PPARGC1A: variants seen among roughly 807,000 people sequenced by gnomAD.
PPARGC1A encodes peroxisome proliferator-activated receptor gamma coactivator 1-alpha.
PPARGC1A carries 25 observed loss-of-function variants against 88.7 expected under a neutral mutation model. The ratio of observed to expected loss-of-function variants is 0.28; its 90% CI spans 0.21 to 0.39. The LOEUF (loss-of-function observed/expected upper bound fraction) is 0.39, where lower values mean the gene tolerates loss of function less well. PPARGC1A is among the 10% of genes least tolerant of loss of function. The pLI, the probability that PPARGC1A is intolerant of heterozygous loss-of-function variation, is 1.00. For synonymous variants in PPARGC1A, 363 were observed against 355.6 expected (o/e 1.02, Z -0.24); for missense variants, 880 against 968.7 (o/e 0.91, Z 1.22).
chr4:24,013,674 C>T, the PPARGC1A span, among the ~76,000 whole-genome samples: 8 of 152,196 alleles, frequency 5.3e-5, no homozygotes, highest in Non-Finnish European at 1.2e-4. Flanking sequence ...CTCTCCTACA[C>T]ACACAATGAC....
the PPARGC1A span, among the ~76,000 whole-genome samples, chr4:24,138,224 C>G: frequency 1.7e-4 from 26 of 152,198 alleles, no homozygotes; most frequent in Non-Finnish European, 3.7e-4. Flanking sequence ...ATGCATCCCC[C>G]CTTTTAATTC....
chr4:24,187,665 C>T, the PPARGC1A span, among the ~76,000 whole-genome samples: 1 of 152,158 alleles, frequency 6.6e-6, no homozygotes, highest in Non-Finnish European at 1.5e-5. Flanking sequence ...ATTCATTTAT[C>T]CACCCAGCAA....
the PPARGC1A span, among the ~76,000 whole-genome samples, chr4:24,089,505 C>CTT: frequency 3.4e-4 from 25 of 73,798 alleles, no homozygotes; most frequent in African/African-American, 1.1e-3. Context: ...CTTTTCTTTT[C>CTT]TTTTCTTTCT....
the PPARGC1A span, among the ~76,000 whole-genome samples, chr4:24,297,735 A>C: frequency 6.6e-6 from 1 of 152,126 alleles, no homozygotes; most frequent in African/African-American, 2.4e-5. Context: ...CCCACTGTAC[A>C]CCAGAAAAAA....
Position 23,795,171 on chromosome 4 carries a change from G to T in PPARGC1A, c.*651C>A, listed in dbSNP as rs953587304. 1.3e-5 allele frequency: 2 copies of T among 151,582 alleles called. No homozygotes were observed. The highest frequency in any genetic ancestry group is 2.9e-5 in the Non-Finnish European group (2 of 67,846). 9.4% of individuals were successfully genotyped at this position (151,582 alleles called of 1,614,324 possible). On this transcript the variant is annotated 3_prime_UTR_variant, in exon 13 of 13. Transcript: ENST00000264867. ...AGAAAGCTTGCTTCAAGTTGATTCT[G>T]CACTTTCTTAAAAAAACAGAGTACA... is the stretch of plus-strand genomic sequence containing the variant.
At chr4:24,087,234 C>G in the PPARGC1A span, among the ~76,000 whole-genome samples, 2 of 152,218 alleles carry the variant, frequency 1.3e-5, no homozygotes, top group Non-Finnish European at 2.9e-5. Flanking sequence ...TATTCTCCCT[C>G]TTGATGTAAA....
chr4:24,387,766 G>GAAAGAA, the PPARGC1A span, among the ~76,000 whole-genome samples: 454 of 51,904 alleles, frequency 8.7e-3, 5 homozygotes, highest in East Asian at 0.014. Flanking sequence ...GAGAGAGAGA[G>GAAAGAA]AGAAAGAAAG....
At chr4:24,278,711 C>A in the PPARGC1A span, among the ~76,000 whole-genome samples, 2 of 152,214 alleles carry the variant, frequency 1.3e-5, no homozygotes, top group African/African-American at 4.8e-5. Flanking sequence ...TGATTTTCCA[C>A]ACCGTGTTGC....
intron 5 of PPARGC1A, among the ~76,000 whole-genome samples, chr4:23,827,335 A>G (rs1305951021): frequency 1.3e-5 from 2 of 152,178 alleles, no homozygotes; most frequent in East Asian, 1.9e-4. Flanking sequence ...ATCAGCAGCA[A>G]TAACAGCATA....
At chr4:24,041,576 A>T in the PPARGC1A span, among the ~76,000 whole-genome samples, 1 of 152,170 alleles carries the variant, frequency 6.6e-6, no homozygotes, top group South Asian at 2.1e-4. Context: ...AATCCTACAG[A>T]TATGTCTACC....
the PPARGC1A span, among the ~76,000 whole-genome samples, chr4:23,921,330 G>A: frequency 6.6e-6 from 1 of 152,178 alleles, no homozygotes; most frequent in South Asian, 2.1e-4. Flanking sequence ...AATTGAATGT[G>A]AAGGGATTCT....
the PPARGC1A span, among the ~76,000 whole-genome samples, chr4:24,323,672 C>A: frequency 6.6e-6 from 1 of 152,244 alleles, no homozygotes; most frequent in Non-Finnish European, 1.5e-5. Flanking sequence ...CCATGTTGCT[C>A]ACACAAAGCC....
chr4:24,256,415 T>C, the PPARGC1A span, among the ~76,000 whole-genome samples: 1 of 152,228 alleles, frequency 6.6e-6, no homozygotes, highest in South Asian at 2.1e-4. Flanking sequence ...GGTTCAGAGC[T>C]GTTTAAATTC....
chr4:23,886,231 G>A (rs2148839782), intron 1 of PPARGC1A, among the ~76,000 whole-genome samples: 1 of 152,314 alleles, frequency 6.6e-6, no homozygotes, highest in East Asian at 1.9e-4. Flanking sequence ...CCAGGCTGCA[G>A]TTAGGCATAA....
the PPARGC1A span, among the ~76,000 whole-genome samples, chr4:24,369,320 G>A: frequency 6.6e-6 from 1 of 152,108 alleles, no homozygotes; most frequent in South Asian, 2.1e-4. Flanking sequence ...TCTGAGAATA[G>A]TTGCTTGATG....
chr4:23,950,709 T>C, the PPARGC1A span, among the ~76,000 whole-genome samples: 1 of 152,162 alleles, frequency 6.6e-6, no homozygotes, highest in African/African-American at 2.4e-5. Context: ...TTTCTTGCTG[T>C]GGACTTGGTG....
chr4:24,231,673 T>G, the PPARGC1A span, among the ~76,000 whole-genome samples: 1 of 152,200 alleles, frequency 6.6e-6, no homozygotes. Context: ...GAAACTGTAT[T>G]TCCATAAGGA....
the PPARGC1A span, among the ~76,000 whole-genome samples, chr4:23,920,529 G>T: frequency 6.6e-6 from 1 of 152,200 alleles, no homozygotes; most frequent in African/African-American, 2.4e-5. Context: ...GGAAGCAGTA[G>T]CCATGACAGG....
chr4:23,937,719 T>C, the PPARGC1A span, among the ~76,000 whole-genome samples: 2 of 152,258 alleles, frequency 1.3e-5, no homozygotes, highest in African/African-American at 2.4e-5. Flanking sequence ...CCACTATACA[T>C]ACTATAAGTC....
Sources: allele counts gnomAD v4.1 joint callset (sites outside exome capture counted in the v4.1 genomes callset), GRCh38; gene constraint gnomAD v4.1.1; transcripts MANE v1.5; gene names NCBI Gene and HGNC (gene_info 2026-07-23, HGNC 2026-07-21).